The following SETD7 variants were observed in gnomAD, a reference collection of about 807,000 sequenced individuals.
SETD7 encodes SET domain containing 7, histone lysine methyltransferase.
Under a neutral mutation model 41.8 loss-of-function variants are expected in SETD7, and 16 were observed. The observed-to-expected ratio is 0.38, with a 90% CI of 0.26 to 0.58. SETD7 has a LOEUF of 0.58. Among genes scored for constraint, SETD7 ranks in the 20% least tolerant of loss-of-function variants. The probability of loss-of-function intolerance (pLI) is 0.64; values close to 1 mark genes in which losing one functional copy is unlikely to be tolerated. For synonymous variants in SETD7, 163 were observed against 169.7 expected (o/e 0.96, Z 0.31); for missense variants, 346 against 459.7 (o/e 0.75, Z 2.26).
In SETD7 at chr4:139,509,891, A is replaced by G. The variant is rs1392959045; in HGVS notation, c.*1772T>C. 2.0e-6 allele frequency: 2 copies of G among 985,280 alleles called. No individual in the cohort carries two copies. Among genetic ancestry groups the G allele is most frequent in the East Asian group, 2.3e-4 (2 of 8,824 alleles). The allele number at this position is 985,280 out of a possible 1,614,324, so 61.0% of individuals were successfully genotyped here. A position where few individuals can be genotyped will look rare whatever the true frequency, so the allele number is the denominator to read the frequency against. The stretch of plus-strand genomic sequence containing the variant: ...CATTGGCTTAAGCTTTCAAGCAGGG[A>G]TCCAACTGGATCTCCCTGAAACCAC... On this transcript the variant is annotated 3_prime_UTR_variant, in exon 8 of 8. Coordinates refer to ENST00000274031, the MANE Select transcript of SETD7 (RefSeq NM_030648.4).
In SETD7 at chr4:139,520,241, C is replaced by A. The variant is rs762412934; in HGVS notation, c.762+36G>T. The A allele has an allele frequency of 2.3e-5, 27 of 1,177,682 alleles. No homozygotes were observed. The Middle Eastern group carries it at 5.8e-4, about 25-fold the overall frequency. 73.0% of individuals were successfully genotyped at this position (1,177,682 alleles called of 1,614,324 possible). ...TTTGTTTGAAGCAAAGCCCTTTAAC[C>A]AACAAAGTTGATTTTCCACTGTCAG... On this transcript the variant is annotated intron_variant, in intron 6 of 7. Transcript: ENST00000274031.
intron 3 of SETD7, among the ~76,000 whole-genome samples, chr4:139,529,564 A>G (rs1420699248): frequency 6.6e-6 from 1 of 152,218 alleles, no homozygotes; most frequent in Non-Finnish European, 1.5e-5. Context: ...TTGTAACATC[A>G]ATTACCAATA....
chr4:139,494,310 G>C (rs777896813), downstream of SETD7, among the ~76,000 whole-genome samples: 93 of 152,186 alleles, frequency 6.1e-4, no homozygotes, highest in Non-Finnish European at 7.9e-4. Context: ...CATTATTCTA[G>C]GCCCCACAAT....
chr4:139,545,056 T>A (rs1158837785), intron 2 of SETD7, among the ~76,000 whole-genome samples: 2 of 151,754 alleles, frequency 1.3e-5, no homozygotes, highest in African/African-American at 2.4e-5. Context: ...AATAAAAAAA[T>A]TTGCAGAATA....
intron 1 of SETD7, among the ~76,000 whole-genome samples, chr4:139,554,305 C>G (rs968588857): frequency 2.0e-4 from 30 of 152,194 alleles, no homozygotes; most frequent in African/African-American, 6.8e-4. Flanking sequence ...TTCTAAAGCT[C>G]TTGGTCACAG....
chr4:139,549,512 A>ATTCCTTCC (rs144848460), intron 1 of SETD7, among the ~76,000 whole-genome samples: 135 of 149,898 alleles, frequency 9.0e-4, no homozygotes, highest in African/African-American at 2.8e-3. Flanking sequence ...ATGAAGAATT[A>ATTCCTTCC]TTCCTTCCTT....
In SETD7 at chr4:139,496,395, T is replaced by C. The variant is rs138908627; in HGVS notation, c.1047A>G (p.Ala349=). The C allele has an allele frequency of 2.4e-5, 17 of 702,556 alleles. No individual in the cohort carries two copies. In the East Asian group the frequency reaches 2.7e-4, roughly 11 times the overall value. 43.5% of individuals were successfully genotyped at this position (702,556 alleles called of 1,614,324 possible). ...TCATTATGAGCATCAGTCCTTGGGC[T>C]GCACTATAAAGAGGAATGCCAGCTT... is the stretch of plus-strand genomic sequence containing the variant. Residue 349 remains alanine, a synonymous_variant, in exon 8 of 8, where the codon GCA becomes GCG. Transcript: ENST00000506866.
chr4:139,493,337 T>C (rs1220330305), downstream of SETD7, among the ~76,000 whole-genome samples: 1 of 151,992 alleles, frequency 6.6e-6, no homozygotes, highest in Non-Finnish European at 1.5e-5. Context: ...TCAGCAGGTA[T>C]AAAGGCCTGG....
In SETD7 at chr4:139,529,149, G is replaced by A. The variant is rs935577557; in HGVS notation, c.444C>T (p.Tyr148=). 23 of 1,613,782 alleles carry A rather than the reference G, an allele frequency of 1.4e-5. No homozygotes were observed. The highest frequency in any genetic ancestry group is 1.9e-5 in the Non-Finnish European group (22 of 1,179,940). Residue 148 remains tyrosine (Y), a synonymous_variant, in exon 4 of 8, where the codon TAC becomes TAT. Coordinates refer to ENST00000274031, the MANE Select transcript of SETD7 (RefSeq NM_030648.4). The stretch of plus-strand genomic sequence containing the variant: ...CATAAAGTGCGGTCCTCTCATCAGG[G>A]TACACATAGGCTATCTTCTCTCCAG... ...EMTGEKIAYV[Y]PDERTALYGK... is the part of the protein sequence containing the mutation.
At chr4:139,516,277 C>T (rs1191861310) in intron 7 of SETD7, among the ~76,000 whole-genome samples, 1 of 24,486 alleles carries the variant, frequency 4.1e-5, no homozygotes. Context: ...ACCAGCCTGG[C>T]CAACATGGTG....
intron 4 of SETD7, among the ~76,000 whole-genome samples, 160 bp from the exon 5 acceptor site, chr4:139,523,595 T>C (rs554678412): frequency 6.6e-6 from 1 of 152,380 alleles, no homozygotes; most frequent in African/African-American, 2.4e-5. Context: ...GGATACATTT[T>C]AGATTTACGC....
At chr4:139,554,034 G>A (rs1038130708) in intron 1 of SETD7, among the ~76,000 whole-genome samples, 3 of 152,140 alleles carry the variant, frequency 2.0e-5, no homozygotes, top group African/African-American at 7.2e-5. Context: ...ATGCTTCTAG[G>A]GGCTTTTAAA....
At chr4:139,539,701 G>T (rs1417739978) in intron 2 of SETD7, among the ~76,000 whole-genome samples, 1 of 152,192 alleles carries the variant, frequency 6.6e-6, no homozygotes, top group Non-Finnish European at 1.5e-5. Context: ...CCAAATTCCT[G>T]TGTTGAACTC....
At chr4:139,533,743 C>T (rs1253790732) in intron 2 of SETD7, among the ~76,000 whole-genome samples, 2 of 152,222 alleles carry the variant, frequency 1.3e-5, no homozygotes, top group African/African-American at 4.8e-5. Flanking sequence ...CTCAAGAGTG[C>T]TCCAGAATTC....
At chr4:139,533,429 G>T in intron 2 of SETD7, 63 bp from the exon 3 acceptor site, 1 of 1,422,850 alleles carries the variant, frequency 7.0e-7, no homozygotes, top group Non-Finnish European at 9.7e-7. Context: ...TTAGAAGAAA[G>T]GATCATATCC....
At chr4:139,528,964 G>T in intron 4 of SETD7, 67 bp downstream of exon 4, 1 of 1,323,388 alleles carries the variant, frequency 7.6e-7, no homozygotes, top group Non-Finnish European at 1.1e-6. Context: ...AAAGAAGCTT[G>T]TCTCAAATCA....
intron 2 of SETD7, among the ~76,000 whole-genome samples, chr4:139,534,420 C>A (rs971829252): frequency 6.6e-6 from 1 of 151,904 alleles, no homozygotes; most frequent in Non-Finnish European, 1.5e-5. Flanking sequence ...GAGGATCTTG[C>A]TCTATTGCCC....
intron 1 of SETD7, among the ~76,000 whole-genome samples, chr4:139,549,529 TC>T (rs1728051726): frequency 6.6e-6 from 1 of 151,908 alleles, no homozygotes. Flanking sequence ...CCTTCCTTCC[TC>T]CCTTTTTGCC....
intron 1 of SETD7, among the ~76,000 whole-genome samples, chr4:139,551,983 T>C (rs897366660): frequency 6.6e-6 from 1 of 152,252 alleles, no homozygotes; most frequent in African/African-American, 2.4e-5. Flanking sequence ...TGTTTTGATC[T>C]TTTTAAAATT....
Sources: allele counts gnomAD v4.1 joint callset (sites outside exome capture counted in the v4.1 genomes callset), GRCh38; gene constraint gnomAD v4.1.1; transcripts MANE v1.5; gene names NCBI Gene and HGNC (gene_info 2026-07-23, HGNC 2026-07-21).